LPP: variants seen among roughly 807,000 people sequenced by gnomAD.
LPP encodes the protein lipoma-preferred partner.
A neutral mutation model predicts 60.4 loss-of-function variants in LPP; 38 were observed. That is an observed-to-expected ratio of 0.63 (90% CI 0.49 to 0.83). The LOEUF (loss-of-function observed/expected upper bound fraction) is 0.83, where lower values mean the gene tolerates loss of function less well. Ranked by LOEUF, LPP falls within the 40% of genes least tolerant of loss-of-function variation. The pLI, the probability that LPP is intolerant of heterozygous loss-of-function variation, is 0.00. For synonymous variants in LPP, 328 were observed against 290.8 expected, an observed-to-expected ratio of 1.13 and a Z score of -1.30; for missense variants, 902 against 783.6, an observed-to-expected ratio of 1.15 and a Z score of -1.80.
chr3:188,355,287 G>C (rs55719294), intron 3 of LPP, among the ~76,000 whole-genome samples: 31,391 of 152,052 alleles, frequency 0.21, 3,391 homozygotes, highest in South Asian at 0.24. Flanking sequence ...GATTACAGGC[G>C]TGAGCCACCG....
At chr3:188,866,503 T>C in intron 10 of LPP, 125 bp downstream of exon 10, 2 of 721,760 alleles carry the variant, frequency 2.8e-6, no homozygotes, top group Non-Finnish European at 4.0e-6. Flanking sequence ...GTGAGGCTTT[T>C]AAAAGAGCTT....
chr3:188,518,368 G>A (rs1005821418), intron 5 of LPP, among the ~76,000 whole-genome samples: 1 of 152,130 alleles, frequency 6.6e-6, no homozygotes, highest in Non-Finnish European at 1.5e-5. Flanking sequence ...AAGAAAAGTT[G>A]TATGTAAACA....
chr3:188,154,308 C>A (rs1715419169), intron 1 of LPP, among the ~76,000 whole-genome samples, 56 bp downstream of exon 1: 1 of 152,062 alleles, frequency 6.6e-6, no homozygotes, highest in Non-Finnish European at 1.5e-5. Context: ...GCCTCGGGAA[C>A]CCCCAGCCCT....
intron 9 of LPP, among the ~76,000 whole-genome samples, chr3:188,848,025 C>G (rs1016540200): frequency 8.5e-5 from 13 of 152,148 alleles, no homozygotes; most frequent in South Asian, 2.1e-4. Flanking sequence ...TAAGCATCTC[C>G]TTAGGTACTG....
chr3:188,826,514 T>C (rs1560259931), intron 9 of LPP, among the ~76,000 whole-genome samples: 2 of 152,150 alleles, frequency 1.3e-5, no homozygotes, highest in Non-Finnish European at 2.9e-5. Context: ...TCTAGATATC[T>C]TAGATTGCTA....
chr3:188,810,897 C>T (rs1384116638), intron 9 of LPP, among the ~76,000 whole-genome samples: 2 of 152,028 alleles, frequency 1.3e-5, no homozygotes, highest in African/African-American at 2.4e-5. Context: ...ATGAAAAATA[C>T]CATAATTTTT....
At chr3:188,178,406 C>T (rs1306578240) in intron 1 of LPP, 1 of 152,288 alleles carries the variant, frequency 6.6e-6, no homozygotes, top group Non-Finnish European at 1.5e-5. Flanking sequence ...AGGGACTACT[C>T]TAAGCACCAT....
At chr3:188,711,052 C>T (rs1022886464) in intron 8 of LPP, 6 of 152,184 alleles carry the variant, frequency 3.9e-5, no homozygotes, top group African/African-American at 1.4e-4. Context: ...CAATACAATA[C>T]TCAAGGTTCT....
chr3:188,450,961 A>G (rs1796453213), intron 4 of LPP, among the ~76,000 whole-genome samples: 1 of 152,118 alleles, frequency 6.6e-6, no homozygotes, highest in South Asian at 2.1e-4. Flanking sequence ...TGATTGGCAG[A>G]AGTTAGCTCA....
rs927272194 is a variant in LPP at position 188,848,782 on chromosome 3, A to G, written c.1411-17418A>G. ...AGAGATCAAGACCATCCTGGCCAAC[A>G]TGGTGAAACCCCATCTCTACTAAAA... On this transcript the variant is annotated intron_variant, in intron 9 of 11. Transcript: ENST00000617246. 2.6e-5 allele frequency among the ~76,000 whole-genome samples: 4 copies of G among 152,174 alleles called. No individual in the cohort carries two copies. The South Asian group carries it at 6.2e-4, about 24-fold the overall frequency.
At chr3:188,183,241 C>T (rs1018819682) in intron 1 of LPP, among the ~76,000 whole-genome samples, 4 of 152,130 alleles carry the variant, frequency 2.6e-5, no homozygotes, top group African/African-American at 9.7e-5. Flanking sequence ...GTATCCTTTC[C>T]ATTCCCCCTC....
intron 7 of LPP, among the ~76,000 whole-genome samples, chr3:188,676,022 C>T (rs530405322): frequency 1.3e-5 from 2 of 152,046 alleles, no homozygotes; most frequent in East Asian, 3.9e-4. Context: ...GATTACTATA[C>T]TGGAAATGAA....
At chr3:188,185,296 G>GT (rs1362156989) in intron 1 of LPP, among the ~76,000 whole-genome samples, 1 of 152,036 alleles carries the variant, frequency 6.6e-6, no homozygotes, top group African/African-American at 2.4e-5. Flanking sequence ...TTCTTACCCT[G>GT]TAGGGCACAG....
At chr3:188,590,543 C>T (rs1415776044) in intron 6 of LPP, among the ~76,000 whole-genome samples, 1 of 152,098 alleles carries the variant, frequency 6.6e-6, no homozygotes, top group African/African-American at 2.4e-5. Flanking sequence ...CACTGCAATC[C>T]ATCCTAGACA....
rs1344910416 is a variant in LPP at position 188,182,789 on chromosome 3, TAC to T, written c.-190+28539_-190+28540del. 1.3e-4 allele frequency among the ~76,000 whole-genome samples: 20 copies of T among 149,746 alleles called. No homozygotes were observed. The highest frequency in any genetic ancestry group is 2.2e-4 in the Non-Finnish European group (15 of 67,598). ...TATATATGTGCATATATAATATATG[TAC>T]ATATACAATATATGCACATATATAA... On this transcript the variant is annotated intron_variant, in intron 1 of 11. Transcript: ENST00000617246. This position sits in a 1 kb window ranked among gnomAD's most constrained non-coding sequence, Gnocchi z 4.4.
At position 188,638,170 on chromosome 3, in the gene LPP, T is replaced by C. The variant is rs1444652824; in HGVS notation, c.1113+28326T>C. Among the ~76,000 whole-genome samples the C allele has an allele frequency of 1.9e-4, 24 of 129,438 alleles. 1 individual carries two copies. The highest frequency in any genetic ancestry group is 7.0e-4 in the African/African-American group (24 of 34,496). 84.9% of individuals were successfully genotyped at this position (129,438 alleles called of 152,430 possible). On this transcript the variant is annotated intron_variant, in intron 7 of 11. Transcript: ENST00000617246. Reference sequence around the variant, plus strand: ...ACATCAAAAAACTTATCCACCATGATCAAGTGGGCTTCATCCCTGGGATGC... The same window carrying C: ...ACATCAAAAAACTTATCCACCATGACCAAGTGGGCTTCATCCCTGGGATGC...
intron 4 of LPP, among the ~76,000 whole-genome samples, chr3:188,449,845 C>T (rs1023216798): frequency 6.6e-6 from 1 of 152,112 alleles, no homozygotes; most frequent in Non-Finnish European, 1.5e-5. Flanking sequence ...CGTTCTGTCA[C>T]CCAGGCTGGA....
chr3:188,840,163 A>G (rs1260466254), intron 9 of LPP, among the ~76,000 whole-genome samples: 1 of 152,142 alleles, frequency 6.6e-6, no homozygotes, highest in Non-Finnish European at 1.5e-5. Flanking sequence ...TTTTCCAAGA[A>G]ACCCACGATT....
At position 188,875,202 on chromosome 3, in the gene LPP, C is replaced by T. The variant is rs555937844; in HGVS notation, c.*723C>T. The T allele has an allele frequency of 1.5e-4, 32 of 217,848 alleles. No individual in the cohort carries two copies. The highest frequency in any genetic ancestry group is 6.1e-4 in the African/African-American group (27 of 44,596). The allele number at this position is 217,848 out of a possible 1,614,324, so 13.5% of individuals were successfully genotyped here. ...CTTCAATATTTTTCTAAAGAAATTACAGGTGGGATATGCTAGAAAAGGCAT... is the reference window on the plus strand; with the variant it reads ...CTTCAATATTTTTCTAAAGAAATTATAGGTGGGATATGCTAGAAAAGGCAT... On this transcript the variant is annotated 3_prime_UTR_variant, in exon 12 of 12. Transcript: ENST00000617246.
Sources: gnomAD v4.1 joint callset for allele counts (sites outside exome capture counted in the v4.1 genomes callset) on GRCh38, gnomAD v4.1.1 for gene constraint, Gnocchi (gnomAD v3.1) non-coding constraint, MANE v1.5 for transcripts, NCBI Gene and HGNC (gene_info 2026-07-23, HGNC 2026-07-21) for gene names.